The following TSGA10 variants were observed in gnomAD, a reference collection of about 807,000 sequenced individuals.
TSGA10 encodes testis-specific gene 10 protein.
In TSGA10, 43 loss-of-function variants were observed where a neutral mutation model predicts 96.6. That is an observed-to-expected ratio of 0.44 (90% CI 0.35 to 0.57). TSGA10 has a LOEUF of 0.57. Ranked by LOEUF, TSGA10 falls within the 20% of genes least tolerant of loss-of-function variation. TSGA10 has a pLI of 0.01. For missense variants in TSGA10, 703 were observed against 834.4 expected (o/e 0.84, Z 1.94); for synonymous variants, 229 against 269.9 (o/e 0.85, Z 1.48).
At position 99,041,030 on chromosome 2, in the gene TSGA10, T is replaced by C. The variant is rs563539298; in HGVS notation, c.1405-5591A>G. Among the ~76,000 whole-genome samples, 3 of 152,346 alleles carry C rather than the reference T, an allele frequency of 2.0e-5. No homozygotes were observed. In the South Asian group the frequency reaches 6.2e-4, roughly 32 times the overall value. On this transcript the variant is annotated intron_variant, in intron 16 of 20. Transcript: ENST00000393483. ...TATGCCCCTTCCTTATTTGGAAATG[T>C]TATTGTTTCCTTAAACCTTTCATAA...
At chr2:99,068,700 A>C (rs2085555677) in intron 15 of TSGA10, among the ~76,000 whole-genome samples, 188 bp downstream of exon 15, 1 of 152,156 alleles carries the variant, frequency 6.6e-6, no homozygotes, top group African/African-American at 2.4e-5. Flanking sequence ...TGCAAAACAA[A>C]AGGGGCATAT....
chr2:99,052,390 A>G (rs147240567), intron 16 of TSGA10, among the ~76,000 whole-genome samples: 195 of 152,094 alleles, frequency 1.3e-3, no homozygotes, highest in African/African-American at 4.4e-3. Flanking sequence ...AGAAATATAC[A>G]ACCTACAAAG....
intron 16 of TSGA10, among the ~76,000 whole-genome samples, chr2:99,044,596 ACCCCAATGTC>A (rs2082547596): frequency 6.6e-6 from 1 of 152,124 alleles, no homozygotes; most frequent in African/African-American, 2.4e-5. Context: ...AGATTTTAAC[ACCCCAATGTC>A]AATATTAGAC....
rs780565952 is a variant in TSGA10 at position 99,078,646 on chromosome 2, T to A, written c.882+13A>T. 1 of 1,609,424 alleles carries A rather than the reference T, an allele frequency of 6.2e-7. No individual in the cohort carries two copies. Among genetic ancestry groups the A allele is most frequent in the Non-Finnish European group, 8.5e-7 (1 of 1,178,274 alleles). ...TTAAACGTTTCTTATAAACCACAGT[T>A]CTCAGAACATACTTTCATTGCCAAA... On this transcript the variant is annotated intron_variant, in intron 12 of 20. Transcript: ENST00000393483.
At chr2:99,054,230 C>T (rs1284495808) in intron 16 of TSGA10, among the ~76,000 whole-genome samples, 3 of 152,140 alleles carry the variant, frequency 2.0e-5, no homozygotes, top group African/African-American at 4.8e-5. Flanking sequence ...CATTCATTTA[C>T]AGTCAATTGA....
intron 10 of TSGA10, among the ~76,000 whole-genome samples, chr2:99,090,102 C>T (rs1361744669): frequency 6.6e-6 from 1 of 152,176 alleles, no homozygotes; most frequent in Non-Finnish European, 1.5e-5. Context: ...TGTACAAACA[C>T]CCCCCAGTAC....
rs2104923491 is a variant in TSGA10, at chr2:99,118,673, A to T, written c.-478T>A. ...AAGAAAAGGGCCTTTTCTATCACAA[A>T]GGTATCCAAATGCCTTTAAAGGAAA... On this transcript the variant is annotated 5_prime_UTR_variant, in exon 3 of 21. Transcript: ENST00000393483. 2.0e-6 allele frequency: 2 copies of T among 984,988 alleles called. No individual in the cohort carries two copies. The highest frequency in any genetic ancestry group is 2.3e-4 in the East Asian group (2 of 8,796). 61.0% of individuals were successfully genotyped at this position (984,988 alleles called of 1,614,324 possible).
intron 1 of TSGA10, among the ~76,000 whole-genome samples, chr2:99,129,612 C>T (rs993762987): frequency 2.6e-5 from 4 of 152,108 alleles, no homozygotes; most frequent in African/African-American, 9.7e-5. Flanking sequence ...TCTGAAATTC[C>T]CATGCCTGGT....
At chr2:99,036,706 C>A (rs1399268951) in intron 16 of TSGA10, among the ~76,000 whole-genome samples, 1 of 151,900 alleles carries the variant, frequency 6.6e-6, no homozygotes, top group African/African-American at 2.4e-5. Context: ...CTATATACCC[C>A]AATTAAGACA....
chr2:99,049,744 A>G lies in TSGA10; in HGVS notation c.1405-14305T>C, dbSNP rs28578029. 3.3e-5 allele frequency among the ~76,000 whole-genome samples: 5 copies of G among 150,902 alleles called. No homozygotes were observed. In the East Asian group the frequency reaches 9.6e-4, roughly 29 times the overall value. ...TAAAGTATAATTTAAAAAAAAGAAAAAAAAAAAGAAAAATACATTCCTAGA... is the reference window on the plus strand; with the variant it reads ...TAAAGTATAATTTAAAAAAAAGAAAGAAAAAAAGAAAAATACATTCCTAGA... On this transcript the variant is annotated intron_variant, in intron 16 of 20. Coordinates refer to ENST00000393483, the MANE Select transcript of TSGA10 (RefSeq NM_025244.4).
chr2:99,137,239 C>A (rs1293798380), intron 1 of TSGA10, among the ~76,000 whole-genome samples: 2 of 152,220 alleles, frequency 1.3e-5, no homozygotes, highest in Non-Finnish European at 2.9e-5. Flanking sequence ...TCATGATCCA[C>A]CCGCCTCAGC....
chr2:99,017,868 CTGTT>C (rs1374180839), intron 20 of TSGA10, among the ~76,000 whole-genome samples: 1 of 151,786 alleles, frequency 6.6e-6, no homozygotes, highest in Admixed American at 6.6e-5. Context: ...ACAGTGCACA[CTGTT>C]TGGGTGTTGG....
At position 99,013,117 on chromosome 2, in the gene TSGA10, G is replaced by C. The variant is rs186123820; in HGVS notation, c.2072+5083C>G. Among the ~76,000 whole-genome samples the C allele has an allele frequency of 4.1e-3, 626 of 152,074 alleles. 5 individuals carry two copies. Among genetic ancestry groups the C allele is most frequent in the African/African-American group, 0.014 (595 of 41,456 alleles). On this transcript the variant is annotated intron_variant, in intron 20 of 20. Coordinates refer to ENST00000393483, the MANE Select transcript of TSGA10 (RefSeq NM_025244.4). ...TCTAGTTCCTTCAGGTGTGACCTTA[G>C]AGTGTCTATTTGTGCTCTTTCAAAC...
intron 20 of TSGA10, among the ~76,000 whole-genome samples, chr2:99,008,097 T>G (rs2078663681): frequency 6.6e-6 from 1 of 152,116 alleles, no homozygotes; most frequent in Non-Finnish European, 1.5e-5. Flanking sequence ...AGTAAAAATA[T>G]ACAAGTACTA....
chr2:99,127,984 G>A (rs528329149), intron 1 of TSGA10, among the ~76,000 whole-genome samples: 9 of 152,202 alleles, frequency 5.9e-5, no homozygotes, highest in African/African-American at 2.2e-4. Context: ...TCTGCATCAC[G>A]CTATTTTACT....
intron 16 of TSGA10, among the ~76,000 whole-genome samples, chr2:99,053,233 TC>T (rs997334441): frequency 1.1e-4 from 17 of 151,940 alleles, no homozygotes; most frequent in Admixed American, 6.6e-5. Flanking sequence ...AGGGAAGACT[TC>T]CAAATTCATT....
intron 20 of TSGA10, among the ~76,000 whole-genome samples, chr2:99,003,637 A>G (rs2078181604): frequency 6.6e-6 from 1 of 152,266 alleles, no homozygotes; most frequent in East Asian, 1.9e-4. Context: ...ATTAGAACTC[A>G]GGATTAAGAA....
At chr2:99,036,822 A>G (rs2081669907) in intron 16 of TSGA10, among the ~76,000 whole-genome samples, 1 of 152,188 alleles carries the variant, frequency 6.6e-6, no homozygotes, top group African/African-American at 2.4e-5. Flanking sequence ...GGGTAGCTAC[A>G]TTAATTTCAG....
chr2:99,036,972 G>A (rs1360380225), intron 16 of TSGA10, among the ~76,000 whole-genome samples: 3 of 151,972 alleles, frequency 2.0e-5, no homozygotes, highest in Admixed American at 6.6e-5. Flanking sequence ...GCCAACATAC[G>A]TAAGCCAAAA....
Sources: allele counts gnomAD v4.1 joint callset (sites outside exome capture counted in the v4.1 genomes callset), GRCh38; gene constraint gnomAD v4.1.1; transcripts MANE v1.5; gene names NCBI Gene and HGNC (gene_info 2026-07-23, HGNC 2026-07-21).